The following SHROOM3 variants were observed in gnomAD, a reference collection of about 807,000 sequenced individuals.
The protein encoded by SHROOM3 is protein Shroom3.
Under a neutral mutation model 138.6 loss-of-function variants are expected in SHROOM3, and 47 were observed. The observed-to-expected ratio is 0.34, with a 90% CI of 0.27 to 0.43. The LOEUF (loss-of-function observed/expected upper bound fraction) is 0.43. Ranked by LOEUF, SHROOM3 falls within the 20% of genes least tolerant of loss-of-function variation. The pLI is 1.00. For synonymous variants in SHROOM3, 1,062 were observed against 1,063.3 expected (o/e 1.00, Z 0.02); for missense variants, 2,491 against 2,596.5 (o/e 0.96, Z 0.88).
intron 6 of SHROOM3, among the ~76,000 whole-genome samples, chr4:76,751,226 A>C (rs1721613293): frequency 1.3e-5 from 2 of 152,228 alleles, no homozygotes; most frequent in African/African-American, 4.8e-5. Flanking sequence ...TACGAAGACA[A>C]GAGTCACATC....
chr4:76,447,658 T>G (rs1465957671), intron 1 of SHROOM3, among the ~76,000 whole-genome samples: 1 of 152,216 alleles, frequency 6.6e-6, no homozygotes, highest in African/African-American at 2.4e-5. Context: ...ATTTTTACTT[T>G]TGAGTATCAG....
chr4:76,656,275 T>A (rs909707436), intron 2 of SHROOM3, among the ~76,000 whole-genome samples: 1 of 152,186 alleles, frequency 6.6e-6, no homozygotes, highest in Non-Finnish European at 1.5e-5. Context: ...TGTACTACGG[T>A]TCCTCTTAGG....
At chr4:76,482,284 G>A (rs1229904065) in intron 1 of SHROOM3, among the ~76,000 whole-genome samples, 8 of 152,124 alleles carry the variant, frequency 5.3e-5, no homozygotes, top group African/African-American at 1.7e-4. Flanking sequence ...ATTTCCTTAA[G>A]CTGATAAGCA....
In SHROOM3 at chr4:76,749,075, C is replaced by T; in HGVS notation, c.3812C>T (p.Ala1271Val). The T allele has an allele frequency of 6.2e-7, 1 of 1,613,938 alleles. No homozygotes were observed. Among genetic ancestry groups the T allele is most frequent in the Non-Finnish European group, 8.5e-7 (1 of 1,179,896 alleles). Reference protein sequence around the residue: ...FGLVKDPCYLAGPGSRSLSCS... With the variant: ...FGLVKDPCYLVGPGSRSLSCS... ...CTTGTGAAGGATCCATGTTATTTGG[C>T]TGGTCCTGGATCTAGGTATGTACAT... The change falls in exon 6 of 11, where the codon GCT (alanine) becomes GTT (valine). Residue 1271 changes from alanine (A) to valine (V), a missense_variant. Physicochemically the swap from Ala to Val is moderately conservative, Grantham distance 64. Coordinates refer to ENST00000296043, the MANE Select transcript of SHROOM3 (RefSeq NM_020859.4).
chr4:76,770,323 T>TC (rs1722309225), intron 9 of SHROOM3, among the ~76,000 whole-genome samples: 1 of 37,642 alleles, frequency 2.7e-5, no homozygotes, highest in Non-Finnish European at 4.4e-5. Context: ...AAACTCTGTC[T>TC]CAAAAAAAAA....
chr4:76,496,522 C>T lies in SHROOM3; in HGVS notation c.169-59087C>T, dbSNP rs536436875. Among the ~76,000 whole-genome samples, 6 of 152,332 alleles carry T rather than the reference C, an allele frequency of 3.9e-5. No individual in the cohort carries two copies. In the South Asian group the frequency reaches 1.2e-3, roughly 32 times the overall value. On this transcript the variant is annotated intron_variant, in intron 1 of 10. Coordinates refer to ENST00000296043, the MANE Select transcript of SHROOM3 (RefSeq NM_020859.4). ...TCCCATCTTTCTGTTTTCATGCTGACATAGGTGTTCTTGGACTCATTGACC... is the reference window on the plus strand; with the variant it reads ...TCCCATCTTTCTGTTTTCATGCTGATATAGGTGTTCTTGGACTCATTGACC...
At chr4:76,704,250 ACACT>A (rs1302382086) in intron 2 of SHROOM3, among the ~76,000 whole-genome samples, 7 of 152,224 alleles carry the variant, frequency 4.6e-5, no homozygotes, top group Admixed American at 4.6e-4. Flanking sequence ...CTACCAGGAG[ACACT>A]CACTGTGCTA....
intron 1 of SHROOM3, among the ~76,000 whole-genome samples, chr4:76,472,865 T>C (rs28394165): frequency 0.33 from 49,737 of 152,012 alleles, 9,669 homozygotes; most frequent in Non-Finnish European, 0.45. Context: ...CAGCTAATTT[T>C]TGTATTTTTA....
chr4:76,770,902 G>A lies in SHROOM3; in HGVS notation c.5622+4G>A, dbSNP rs1470558361. 2 of 1,614,180 alleles carry A rather than the reference G, an allele frequency of 1.2e-6. No homozygotes were observed. The highest frequency in any genetic ancestry group is 1.7e-6 in the Non-Finnish European group (2 of 1,180,038). The stretch of plus-strand genomic sequence containing the variant: ...AGATGCCAGTAATGAAGAAAGGGTA[G>A]GTGGCCTAGTGATGCAGTTCAACAA... On this transcript the variant is annotated splice_donor_region_variant and intron_variant, in intron 10 of 10. Transcript: ENST00000296043.
chr4:76,595,141 T>C (rs1734353087), intron 2 of SHROOM3, among the ~76,000 whole-genome samples: 2 of 152,346 alleles, frequency 1.3e-5, no homozygotes, highest in African/African-American at 2.4e-5. Flanking sequence ...TGTTGTGTTG[T>C]TGTGTAGTTT....
rs57089323 is a variant in SHROOM3 at position 76,547,932 on chromosome 4, A to AACACACACACACACACACAC, written c.169-7668_169-7649dup. On this transcript the variant is annotated intron_variant, in intron 1 of 10. Transcript: ENST00000296043. ...GTGACAGTGCAAGGCCCTGTCTCAA[A>AACACACACACACACACACAC]ACACACACACACACACACACACACA... 6.8e-3 allele frequency among the ~76,000 whole-genome samples: 996 copies of AACACACACACACACACACAC among 146,146 alleles called. 17 individuals carry two copies. Among genetic ancestry groups the AACACACACACACACACACAC allele is most frequent in the East Asian group, 0.052 (249 of 4,800 alleles).
At chr4:76,520,342 T>C (rs1445638385) in intron 1 of SHROOM3, among the ~76,000 whole-genome samples, 2 of 152,142 alleles carry the variant, frequency 1.3e-5, no homozygotes, top group Non-Finnish European at 2.9e-5. Context: ...TCACCAACTG[T>C]TGATGATGAT....
intron 6 of SHROOM3, among the ~76,000 whole-genome samples, chr4:76,751,921 T>C (rs1370034325): frequency 1.3e-5 from 2 of 152,184 alleles, no homozygotes; most frequent in African/African-American, 2.4e-5. Flanking sequence ...ACATTAAAAA[T>C]AGAACTACCA....
At chr4:76,646,247 T>TATATATAA (rs1355216659) in intron 2 of SHROOM3, among the ~76,000 whole-genome samples, 9 of 140,778 alleles carry the variant, frequency 6.4e-5, no homozygotes, top group African/African-American at 7.8e-5. Context: ...TATATATATA[T>TATATATAA]AAAATTAAAA....
chr4:76,483,119 G>A (rs1035708625), intron 1 of SHROOM3, among the ~76,000 whole-genome samples: 1 of 152,064 alleles, frequency 6.6e-6, no homozygotes, highest in Non-Finnish European at 1.5e-5. Flanking sequence ...AACACCAAAA[G>A]CAATGGCAAC....
intron 2 of SHROOM3, among the ~76,000 whole-genome samples, chr4:76,674,847 AC>A (rs1433290949): frequency 6.6e-6 from 1 of 151,292 alleles, no homozygotes; most frequent in Non-Finnish European, 1.5e-5. Flanking sequence ...GAGCCACCAC[AC>A]CCGGCCATGT....
At chr4:76,521,956 C>A (rs1255754645) in intron 1 of SHROOM3, among the ~76,000 whole-genome samples, 1 of 152,082 alleles carries the variant, frequency 6.6e-6, no homozygotes, top group Non-Finnish European at 1.5e-5. Context: ...TCTTGTGGTT[C>A]CTGCCAAACA....
chr4:76,761,590 AT>A (rs1373294813), intron 9 of SHROOM3, among the ~76,000 whole-genome samples: 1 of 152,212 alleles, frequency 6.6e-6, no homozygotes, highest in East Asian at 1.9e-4. Context: ...CCTGCTAAAA[AT>A]TGCTCCCAGG....
chr4:76,657,697 G>C (rs1013388541), intron 2 of SHROOM3, among the ~76,000 whole-genome samples: 2 of 152,202 alleles, frequency 1.3e-5, no homozygotes, highest in African/African-American at 4.8e-5. Flanking sequence ...CCATTGACCT[G>C]TTATGCTAAT....
Sources: allele counts gnomAD v4.1 joint callset (sites outside exome capture counted in the v4.1 genomes callset), GRCh38; gene constraint gnomAD v4.1.1; transcripts MANE v1.5; gene names NCBI Gene and HGNC (gene_info 2026-07-23, HGNC 2026-07-21).